RORA: variants seen among roughly 807,000 people sequenced by gnomAD.
RORA encodes nuclear receptor ROR-alpha.
Under a neutral mutation model 69.5 loss-of-function variants are expected in RORA, and 7 were observed. The ratio of observed to expected loss-of-function variants is 0.10; its 90% CI spans 0.06 to 0.19. RORA has a LOEUF of 0.19. Ranked by LOEUF, RORA falls within the 10% of genes least tolerant of loss-of-function variation. RORA has a pLI of 1.00. For synonymous variants in RORA, 261 were observed against 240.8 expected (o/e 1.08, Z -0.78); for missense variants, 457 against 663.0 (o/e 0.69, Z 3.41).
intron 1 of RORA, among the ~76,000 whole-genome samples, chr15:61,115,925 G>A (rs2079046414): frequency 6.6e-6 from 1 of 152,080 alleles, no homozygotes; most frequent in East Asian, 1.9e-4. Context: ...ACGTGGGTAG[G>A]GCAGAAAAAA....
chr15:61,122,345 T>TGCACACCAACGG (rs749777010), intron 1 of RORA, among the ~76,000 whole-genome samples: 4 of 152,182 alleles, frequency 2.6e-5, no homozygotes, highest in Non-Finnish European at 5.9e-5. Context: ...TTTGGAAAAC[T>TGCACACCAACGG]GCACACCAAC....
chr15:61,190,290 T>A (rs1312104426), intron 1 of RORA, among the ~76,000 whole-genome samples: 1 of 152,158 alleles, frequency 6.6e-6, no homozygotes, highest in African/African-American at 2.4e-5. Flanking sequence ...ATTTTCCTAT[T>A]AACAAAAGGG....
At chr15:60,695,672 G>C (rs2070892730) in intron 1 of RORA, among the ~76,000 whole-genome samples, 2 of 151,992 alleles carry the variant, frequency 1.3e-5, no homozygotes, top group South Asian at 2.1e-4. Flanking sequence ...TTTGATCTCA[G>C]ACACCAGGCA....
intron 1 of RORA, among the ~76,000 whole-genome samples, chr15:60,992,553 T>C (rs1894413883): frequency 6.6e-6 from 1 of 152,190 alleles, no homozygotes; most frequent in Non-Finnish European, 1.5e-5. Context: ...TAGATATAGA[T>C]GGCAAGCTAC....
chr15:60,557,201 C>A (rs1028217121), intron 2 of RORA, among the ~76,000 whole-genome samples: 3 of 152,242 alleles, frequency 2.0e-5, no homozygotes, highest in Non-Finnish European at 4.4e-5. Flanking sequence ...GAAGGCTGAA[C>A]TTCAAGTTGC....
At chr15:60,765,455 A>T (rs2071973624) in intron 1 of RORA, 1 of 152,036 alleles carries the variant, frequency 6.6e-6, no homozygotes. Flanking sequence ...ACAGCTTTTG[A>T]ATGAAATTAA....
chr15:61,041,954 G>C (rs1896793358), intron 1 of RORA, among the ~76,000 whole-genome samples: 1 of 152,158 alleles, frequency 6.6e-6, no homozygotes. Context: ...AACACAGAGA[G>C]GTTAAATAAC....
chr15:60,853,632 C>T (rs967532016), intron 1 of RORA, among the ~76,000 whole-genome samples: 4 of 152,194 alleles, frequency 2.6e-5, no homozygotes, highest in African/African-American at 9.7e-5. Context: ...CCTGGACAGG[C>T]CTTGATACAA....
intron 2 of RORA, chr15:60,558,149 G>T: frequency 9.4e-7 from 1 of 1,058,714 alleles, no homozygotes; most frequent in Non-Finnish European, 1.4e-6. Context: ...GGGAAAGGGA[G>T]GCAAACACAA....
chr15:61,028,904 G>A (rs954394293), intron 1 of RORA, among the ~76,000 whole-genome samples: 7 of 152,186 alleles, frequency 4.6e-5, no homozygotes, highest in African/African-American at 1.7e-4. Context: ...TACATAAATT[G>A]TCCAGAACAG....
chr15:60,928,702 T>C (rs1290104221), intron 1 of RORA, among the ~76,000 whole-genome samples: 2 of 152,172 alleles, frequency 1.3e-5, no homozygotes, highest in Non-Finnish European at 2.9e-5. Flanking sequence ...GTGACCGCCC[T>C]AAAGTCCCAC....
chr15:60,752,293 A>T (rs1386267545), intron 1 of RORA, among the ~76,000 whole-genome samples: 1 of 152,158 alleles, frequency 6.6e-6, no homozygotes, highest in Non-Finnish European at 1.5e-5. Context: ...GCACAAATGG[A>T]AGCTCTGATT....
At chr15:60,958,490 G>A (rs1202063025) in intron 1 of RORA, among the ~76,000 whole-genome samples, 1 of 152,042 alleles carries the variant, frequency 6.6e-6, no homozygotes, top group Admixed American at 6.6e-5. Flanking sequence ...CTGAATAACT[G>A]TATATTAATT....
chr15:61,023,808 T>G (rs1895660606), intron 1 of RORA, among the ~76,000 whole-genome samples: 1 of 152,222 alleles, frequency 6.6e-6, no homozygotes, highest in Non-Finnish European at 1.5e-5. Context: ...CTTCTTCCTT[T>G]TCATCATTTC....
In RORA at chr15:61,048,538, G is replaced by A. The variant is rs556994451; in HGVS notation, c.166+180515C>T. 3.9e-4 allele frequency among the ~76,000 whole-genome samples: 60 copies of A among 152,314 alleles called. No individual in the cohort carries two copies. In the South Asian group the frequency reaches 6.2e-3, roughly 16 times the overall value. ...TTTGCCCCACACCCCAGATATCTTC[G>A]TGACAGCCCCTGCCCTGAAAGCCCG... On this transcript the variant is annotated intron_variant, in intron 1 of 10. Coordinates refer to ENST00000335670, the MANE Select transcript of RORA (RefSeq NM_134261.3).
rs1446886298 is a variant in RORA at position 60,681,574 on chromosome 15, G to A, written c.167-2888C>T. On this transcript the variant is annotated intron_variant, in intron 1 of 10. Coordinates refer to ENST00000335670, the MANE Select transcript of RORA (RefSeq NM_134261.3). ...GGAATATTCTAGAACATAGTATTCT[G>A]CCAGGAATCCAGCTGACCGAATTAC... 2.6e-5 allele frequency: 4 copies of A among 152,314 alleles called. No individual in the cohort carries two copies. In the East Asian group the frequency reaches 7.7e-4, roughly 29 times the overall value. 9.4% of individuals were successfully genotyped at this position (152,314 alleles called of 1,614,324 possible).
At chr15:60,978,005 C>T (rs985613318) in intron 1 of RORA, among the ~76,000 whole-genome samples, 8 of 152,198 alleles carry the variant, frequency 5.3e-5, no homozygotes, top group African/African-American at 1.7e-4. Context: ...CAAATGGTAA[C>T]TCTATGTTTA....
intron 1 of RORA, among the ~76,000 whole-genome samples, chr15:60,706,943 A>G (rs1225492109): frequency 6.6e-6 from 1 of 152,218 alleles, no homozygotes; most frequent in Non-Finnish European, 1.5e-5. Context: ...GGTTGAGATA[A>G]TAAATAGTTT....
intron 1 of RORA, among the ~76,000 whole-genome samples, chr15:60,913,416 T>C (rs867401895): frequency 8.5e-5 from 13 of 152,360 alleles, no homozygotes; most frequent in Middle Eastern, 3.4e-3. Flanking sequence ...CTAGAGGAAA[T>C]TGGCCAACGT....
Sources: gnomAD v4.1 joint callset for allele counts (sites outside exome capture counted in the v4.1 genomes callset) on GRCh38, gnomAD v4.1.1 for gene constraint, MANE v1.5 for transcripts, NCBI Gene and HGNC (gene_info 2026-07-23, HGNC 2026-07-21) for gene names.